ADK: variants seen among roughly 807,000 people sequenced by gnomAD.
ADK encodes the protein adenosine kinase, also known as N6,N6-dimethyladenosine kinase.
In ADK, 24 loss-of-function variants were observed where a neutral mutation model predicts 44.7. The ratio of observed to expected loss-of-function variants is 0.54; its 90% CI spans 0.39 to 0.76. The LOEUF (loss-of-function observed/expected upper bound fraction) is 0.76, where lower values mean the gene tolerates loss of function less well. Ranked by LOEUF, ADK falls within the 30% of genes least tolerant of loss-of-function variation. The pLI is 0.00. For missense variants in ADK, 321 were observed against 425.1 expected (o/e 0.76, Z 2.15); for synonymous variants, 128 against 142.6 (o/e 0.90, Z 0.73).
At chr10:74,649,643 T>C (rs1854191760) in intron 9 of ADK, among the ~76,000 whole-genome samples, 1 of 151,870 alleles carries the variant, frequency 6.6e-6, no homozygotes, top group African/African-American at 2.4e-5. Context: ...AAAAACAAAT[T>C]CTGTCAGTCA....
intron 6 of ADK, among the ~76,000 whole-genome samples, chr10:74,440,673 G>A (rs1254823450): frequency 6.6e-6 from 1 of 151,974 alleles, no homozygotes; most frequent in Non-Finnish European, 1.5e-5. Context: ...CTAGTCAAAG[G>A]CACACTGAGA....
At chr10:74,448,261 C>T (rs150321896) in intron 6 of ADK, among the ~76,000 whole-genome samples, 10 of 151,804 alleles carry the variant, frequency 6.6e-5, no homozygotes, top group Admixed American at 1.3e-4. Flanking sequence ...CAAGTCCAGC[C>T]GGGGCAACCT....
chr10:74,656,151 G>A, intron 9 of ADK: 2 of 304,152 alleles, frequency 6.6e-6, no homozygotes, highest in East Asian at 7.8e-5. Context: ...TCAGATGGAG[G>A]AGGATGGCGG....
chr10:74,554,885 G>A (rs1291699746), intron 7 of ADK, among the ~76,000 whole-genome samples: 2 of 152,068 alleles, frequency 1.3e-5, no homozygotes, highest in East Asian at 1.9e-4. Flanking sequence ...ATATGCAAAT[G>A]TAGCTTATTT....
intron 6 of ADK, among the ~76,000 whole-genome samples, chr10:74,465,870 C>T (rs936598706): frequency 2.0e-5 from 3 of 152,078 alleles, no homozygotes; most frequent in East Asian, 1.9e-4. Context: ...ATAGGTTTTA[C>T]TAATTTAATA....
chr10:74,343,967 G>T (rs957791185), intron 4 of ADK, among the ~76,000 whole-genome samples: 20 of 152,118 alleles, frequency 1.3e-4, no homozygotes, highest in Admixed American at 3.9e-4. Context: ...CTATTCTATT[G>T]ATATGATGCA....
chr10:74,702,243 G>A (rs900826744), intron 10 of ADK, among the ~76,000 whole-genome samples: 12 of 150,990 alleles, frequency 7.9e-5, no homozygotes, highest in Admixed American at 4.6e-4. Flanking sequence ...GAGTGCAGTG[G>A]CGTGATCTCA....
chr10:74,272,366 C>T (rs1037290117), intron 3 of ADK, among the ~76,000 whole-genome samples: 3 of 152,154 alleles, frequency 2.0e-5, no homozygotes, highest in Middle Eastern at 3.4e-3. Context: ...ATGTCAACCT[C>T]CTGGGCTCAG....
intron 7 of ADK, among the ~76,000 whole-genome samples, chr10:74,547,443 TA>T (rs1156297405): frequency 6.5e-4 from 13 of 19,952 alleles, no homozygotes; most frequent in African/African-American, 1.4e-3. Flanking sequence ...TATATATATA[TA>T]TATTTATTTA....
At chr10:74,390,476 C>T (rs1466534014) in intron 4 of ADK, among the ~76,000 whole-genome samples, 1 of 151,944 alleles carries the variant, frequency 6.6e-6, no homozygotes, top group African/African-American at 2.4e-5. Flanking sequence ...CACATTGATC[C>T]ACCAATTGTT....
chr10:74,192,625 T>G (rs796209374), intron 1 of ADK, among the ~76,000 whole-genome samples: 1 of 152,050 alleles, frequency 6.6e-6, no homozygotes, highest in Non-Finnish European at 1.5e-5. Flanking sequence ...CTCCTGGGCT[T>G]AAAGAATTCT....
chr10:74,354,433 G>A (rs574603592), intron 4 of ADK, among the ~76,000 whole-genome samples: 43 of 152,156 alleles, frequency 2.8e-4, no homozygotes, highest in African/African-American at 7.7e-4. Flanking sequence ...AACATTCTTC[G>A]ATAATTATTT....
At chr10:74,586,319 C>T (rs1851523998) in intron 7 of ADK, among the ~76,000 whole-genome samples, 1 of 152,118 alleles carries the variant, frequency 6.6e-6, no homozygotes, top group African/African-American at 2.4e-5. Context: ...CTTAGCTTTT[C>T]TAGTGATAGG....
chr10:74,374,852 A>G (rs1050107777), intron 4 of ADK, among the ~76,000 whole-genome samples: 19 of 151,906 alleles, frequency 1.3e-4, no homozygotes, highest in African/African-American at 3.9e-4. Flanking sequence ...TCTGTTATTT[A>G]CTCTTTGACC....
At chr10:74,375,649 A>AT (rs200131339) in intron 4 of ADK, among the ~76,000 whole-genome samples, 2,916 of 148,766 alleles carry the variant, frequency 0.02, 96 homozygotes, top group African/African-American at 0.067. Context: ...GGCAAGAGCC[A>AT]TTTTTTTTTT....
At chr10:74,609,251 C>A (rs567929534) in intron 9 of ADK, among the ~76,000 whole-genome samples, 2 of 152,162 alleles carry the variant, frequency 1.3e-5, no homozygotes, top group Non-Finnish European at 2.9e-5. Flanking sequence ...GTGAACAGTT[C>A]TGTCTCGCTG....
intron 4 of ADK, among the ~76,000 whole-genome samples, chr10:74,336,950 TGTTG>T (rs982888442): frequency 6.6e-6 from 1 of 152,208 alleles, no homozygotes; most frequent in African/African-American, 2.4e-5. Context: ...TTTGATCTGC[TGTTG>T]GTTGGTTGGT....
Position 74,215,440 on chromosome 10 carries a change from A to C in ADK, c.141-9098A>C, listed in dbSNP as rs994772596. On this transcript the variant is annotated intron_variant, in intron 2 of 10. Coordinates refer to ENST00000539909, the MANE Select transcript of ADK (RefSeq NM_006721.4). Reference sequence around the variant, plus strand: ...ATTCTCCTGCCTCAGCCTCCCCAGTAGCTGGGACCACAGGCGCCTGCCACC... The same window carrying C: ...ATTCTCCTGCCTCAGCCTCCCCAGTCGCTGGGACCACAGGCGCCTGCCACC... Among the ~76,000 whole-genome samples, 88 of 152,168 alleles carry C rather than the reference A, an allele frequency of 5.8e-4. 2 individuals carry two copies. Among genetic ancestry groups the C allele is most frequent in the Admixed American group, 2.0e-4 (3 of 15,276 alleles).
chr10:74,537,213 A>G (rs534237320), intron 7 of ADK, among the ~76,000 whole-genome samples: 48 of 152,358 alleles, frequency 3.2e-4, no homozygotes, highest in African/African-American at 8.9e-4. Flanking sequence ...TCAGAAATAC[A>G]TAGTGACAAA....
Sources: allele counts gnomAD v4.1 joint callset (sites outside exome capture counted in the v4.1 genomes callset), GRCh38; gene constraint gnomAD v4.1.1; transcripts MANE v1.5; gene names NCBI Gene and HGNC (gene_info 2026-07-23, HGNC 2026-07-21).